Variants in MPPED2 observed in about 807,000 individuals in gnomAD.
MPPED2 encodes the protein metallophosphoesterase MPPED2.
Under a neutral mutation model 33.0 loss-of-function variants are expected in MPPED2, and 5 were observed. The observed-to-expected ratio is 0.15, with a 90% CI of 0.08 to 0.32. The LOEUF (loss-of-function observed/expected upper bound fraction) is 0.32, where lower values mean the gene tolerates loss of function less well. Among genes scored for constraint, MPPED2 ranks in the 10% least tolerant of loss-of-function variants. The pLI is 1.00. For synonymous variants in MPPED2, 136 were observed against 141.9 expected (o/e 0.96, Z 0.29); for missense variants, 275 against 372.1 (o/e 0.74, Z 2.15).
At chr11:30,579,935 G>A (rs1201067627) in intron 2 of MPPED2, among the ~76,000 whole-genome samples, 6 of 152,014 alleles carry the variant, frequency 3.9e-5, no homozygotes, top group African/African-American at 1.4e-4. Flanking sequence ...AGGCAAATTC[G>A]CTGTGTGGCA....
At chr11:30,520,203 T>TA (rs1177837402) in intron 3 of MPPED2, among the ~76,000 whole-genome samples, 2 of 151,888 alleles carry the variant, frequency 1.3e-5, no homozygotes, top group Non-Finnish European at 2.9e-5. Flanking sequence ...TTTGAACAGC[T>TA]AAAAAAAATG....
At chr11:30,420,811 AT>A (rs1948576723) in intron 4 of MPPED2, among the ~76,000 whole-genome samples, 1 of 152,260 alleles carries the variant, frequency 6.6e-6, no homozygotes, top group African/African-American at 2.4e-5. Context: ...GTTCTTAAAC[AT>A]TTTTATTAGA....
chr11:30,453,412 T>C (rs1272379921), intron 4 of MPPED2, among the ~76,000 whole-genome samples: 1 of 152,162 alleles, frequency 6.6e-6, no homozygotes, highest in Non-Finnish European at 1.5e-5. Context: ...CCAGGAGCCC[T>C]AGCAAAATGA....
At chr11:30,433,852 G>T (rs527253510) in intron 4 of MPPED2, among the ~76,000 whole-genome samples, 2 of 152,260 alleles carry the variant, frequency 1.3e-5, no homozygotes, top group East Asian at 3.9e-4. Flanking sequence ...TTATCTTATA[G>T]TTCTGAAAGT....
chr11:30,553,058 A>C (rs572087862), intron 2 of MPPED2, among the ~76,000 whole-genome samples: 3 of 151,844 alleles, frequency 2.0e-5, no homozygotes, highest in Non-Finnish European at 4.4e-5. Context: ...GAGCACAAAC[A>C]CCTCCCACCC....
chr11:30,500,075 G>A (rs922594988), intron 3 of MPPED2, among the ~76,000 whole-genome samples: 7 of 152,140 alleles, frequency 4.6e-5, no homozygotes, highest in Non-Finnish European at 8.8e-5. Context: ...ATTTAACAAT[G>A]TACAGCCAAA....
chr11:30,414,617 A>G (rs549616517), intron 5 of MPPED2, among the ~76,000 whole-genome samples: 1 of 151,676 alleles, frequency 6.6e-6, no homozygotes, highest in Admixed American at 6.6e-5. Flanking sequence ...CATGGGTTTC[A>G]AATCTTCTTC....
chr11:30,557,578 T>C (rs1463682822), intron 2 of MPPED2, among the ~76,000 whole-genome samples: 1 of 152,166 alleles, frequency 6.6e-6, no homozygotes, highest in Non-Finnish European at 1.5e-5. Flanking sequence ...TTAGTTTCCT[T>C]TTGTTTTCTT....
At chr11:30,514,969 C>A (rs1043831136) in intron 3 of MPPED2, among the ~76,000 whole-genome samples, 10 of 152,138 alleles carry the variant, frequency 6.6e-5, no homozygotes, top group African/African-American at 2.4e-4. Flanking sequence ...GTGGCACACA[C>A]CTGTAACCCC....
At chr11:30,500,250 T>C (rs569883474) in intron 3 of MPPED2, among the ~76,000 whole-genome samples, 2 of 152,180 alleles carry the variant, frequency 1.3e-5, no homozygotes, top group Non-Finnish European at 2.9e-5. Flanking sequence ...ATTCCCTTGA[T>C]TACTGCTGTG....
intron 4 of MPPED2, among the ~76,000 whole-genome samples, chr11:30,456,706 C>T (rs1174459611): frequency 6.6e-6 from 1 of 152,178 alleles, no homozygotes; most frequent in African/African-American, 2.4e-5. Context: ...TAGCCTAGCA[C>T]TCACTTTCTG....
chr11:30,447,358 C>T (rs973067850), intron 4 of MPPED2, among the ~76,000 whole-genome samples: 1 of 152,186 alleles, frequency 6.6e-6, no homozygotes, highest in Non-Finnish European at 1.5e-5. Context: ...CGTGTCAGTG[C>T]AGAGGTCATC....
chr11:30,525,060 C>T (rs1192667562), intron 3 of MPPED2, among the ~76,000 whole-genome samples: 1 of 152,116 alleles, frequency 6.6e-6, no homozygotes, highest in Non-Finnish European at 1.5e-5. Context: ...AAGACAAAGC[C>T]CCCAGTCCTA....
intron 6 of MPPED2, among the ~76,000 whole-genome samples, chr11:30,400,367 C>A (rs934082800): frequency 1.3e-5 from 2 of 152,184 alleles, no homozygotes; most frequent in African/African-American, 4.8e-5. Context: ...TGGACCACTG[C>A]ACCTGGCTCT....
chr11:30,461,709 C>T (rs531581016), intron 4 of MPPED2, among the ~76,000 whole-genome samples: 9 of 152,236 alleles, frequency 5.9e-5, no homozygotes, highest in African/African-American at 2.2e-4. Flanking sequence ...TAGAGATGTT[C>T]CCTGGAAGTT....
At chr11:30,577,205 A>T (rs1270539250) in intron 2 of MPPED2, among the ~76,000 whole-genome samples, 1 of 152,234 alleles carries the variant, frequency 6.6e-6, no homozygotes, top group Non-Finnish European at 1.5e-5. Context: ...CTTGGAAAAG[A>T]AAATTTGTTA....
chr11:30,581,404 T>C (rs1021375412), intron 1 of MPPED2, among the ~76,000 whole-genome samples: 3 of 152,198 alleles, frequency 2.0e-5, no homozygotes, highest in Non-Finnish European at 2.9e-5. Context: ...TCTATTTTTA[T>C]GGTAGGTGTG....
chr11:30,579,266 T>C (rs187384663), intron 2 of MPPED2, among the ~76,000 whole-genome samples: 22 of 152,260 alleles, frequency 1.4e-4, no homozygotes, highest in Non-Finnish European at 2.9e-4. Context: ...AAAAAAGAGC[T>C]TGTGACTTGG....
At chr11:30,555,408 T>G (rs1475453032) in intron 2 of MPPED2, among the ~76,000 whole-genome samples, 1 of 152,200 alleles carries the variant, frequency 6.6e-6, no homozygotes, top group Non-Finnish European at 1.5e-5. Flanking sequence ...CTAGAGTACT[T>G]CAGGCTACTG....
Sources: gnomAD v4.1 joint callset for allele counts (sites outside exome capture counted in the v4.1 genomes callset) on GRCh38, gnomAD v4.1.1 for gene constraint, MANE v1.5 for transcripts, NCBI Gene and HGNC (gene_info 2026-07-23, HGNC 2026-07-21) for gene names.